Variants in PRR36 observed in about 807,000 individuals in gnomAD.
PRR36 encodes the protein proline rich 36.
In PRR36, 30 loss-of-function variants were observed where a neutral mutation model predicts 58.6. That is an observed-to-expected ratio of 0.51 (90% CI 0.38 to 0.69). The LOEUF is 0.69. Among genes scored for constraint, PRR36 ranks in the 30% least tolerant of loss-of-function variants. The pLI, the probability that PRR36 is intolerant of heterozygous loss-of-function variation, is 0.00. For synonymous variants in PRR36, 771 were observed against 829.3 expected, an observed-to-expected ratio of 0.93 and a Z score of 1.21; for missense variants, 1,692 against 1,805.6, an observed-to-expected ratio of 0.94 and a Z score of 1.14.
intron 5 of PRR36, 58 bp downstream of exon 5, chr19:7,869,657 T>A: frequency 7.2e-7 from 1 of 1,391,304 alleles, no homozygotes; most frequent in East Asian, 3.1e-5. Flanking sequence ...GCCCCTGAGC[T>A]GCGAAGCCTC....
In PRR36 at chr19:7,869,906, G is replaced by C. The variant is rs1980296937; in HGVS notation, c.3338C>G (p.Thr1113Arg). 4.4e-6 allele frequency: 6 copies of C among 1,363,824 alleles called. No individual in the cohort carries two copies. The highest frequency in any genetic ancestry group is 3.1e-5 in the East Asian group (1 of 32,610). The allele number at this position is 1,363,824 out of a possible 1,614,324, so 84.5% of individuals were successfully genotyped here. A position where few individuals can be genotyped will look rare whatever the true frequency, so the allele number is the denominator to read the frequency against. ...GCCGGCCAGGTCTGGGCCGCTCAGC[G>C]TGCTGGACGGGCTGCGCGAGGGCGG... ...PPPPSRSPSS[T>R]LSGPDLAGHS... Residue 1113 changes from threonine to arginine, a missense_variant, in exon 5 of 6, where the codon ACG (threonine) becomes AGG (arginine). Around this residue, in one of 5 missense-constraint regions of PRR36, gnomAD observed 485 missense variants for 549.2 expected, o/e 0.88. Transcript: ENST00000618550.
Position 7,873,667 on chromosome 19 carries a change from G to A in PRR36, c.23C>T (p.Ala8Val), listed in dbSNP as rs769850095. 1.3e-4 allele frequency: 203 copies of A among 1,535,034 alleles called. No individual in the cohort carries two copies. The highest frequency in any genetic ancestry group is 8.4e-4 in the Middle Eastern group (5 of 5,924). ...CGTCCGCGCGGCGGCCCCTGCCTTCGCCTTGTCTCTCTTGTTGTCCATCTT... is the reference window on the plus strand; with the variant it reads ...CGTCCGCGCGGCGGCCCCTGCCTTCACCTTGTCTCTCTTGTTGTCCATCTT... The part of the protein sequence containing the change: MDNKRDK[A>V]KAGAAARTPA... The change falls in exon 2 of 6, where the codon GCG becomes GTG. Residue 8 changes from alanine (A) to valine (V), a missense_variant. This residue lies in a region of PRR36 where 975 missense variants were observed against 955.2 expected (regional missense o/e 1.02). Transcript: ENST00000618550. This position sits in a 1 kb window ranked among gnomAD's most constrained non-coding sequence, Gnocchi z 5.0.
Position 7,872,552 on chromosome 19 carries a change from C to G in PRR36, c.692G>C (p.Gly231Ala). 6.6e-7 allele frequency: 1 copy of G among 1,521,784 alleles called. No homozygotes were observed. Among genetic ancestry groups the G allele is most frequent in the Non-Finnish European group, 8.8e-7 (1 of 1,141,078 alleles). 94.3% of individuals were successfully genotyped at this position (1,521,784 alleles called of 1,614,324 possible). ...SPAARRRPSA[G>A]GGLQRPASRS... Reference sequence around the variant, plus strand: ...CGAGGCCGGCCTCTGGAGACCCCCACCGGCGCTGGGCCGCCTCCTGGCAGC... The same window carrying G: ...CGAGGCCGGCCTCTGGAGACCCCCAGCGGCGCTGGGCCGCCTCCTGGCAGC... Residue 231 changes from glycine to alanine, a missense_variant, in exon 5 of 6, where the codon GGT (glycine) becomes GCT (alanine). Physicochemically the swap from Gly to Ala is moderately conservative, Grantham distance 60. Coordinates refer to ENST00000618550, the MANE Select transcript of PRR36 (RefSeq NM_001190467.2). The surrounding 1 kb of genome is among the most constrained non-coding windows in gnomAD (Gnocchi z 6.1).
chr19:7,870,855 G>A lies in PRR36; in HGVS notation c.2389C>T (p.Pro797Ser), dbSNP rs1252079594. The A allele has an allele frequency of 6.9e-7, 1 of 1,445,014 alleles. No homozygotes were observed. The highest frequency in any genetic ancestry group is 1.5e-5 in the South Asian group (1 of 68,436). The allele number at this position is 1,445,014 out of a possible 1,614,324, so 89.5% of individuals were successfully genotyped here. A position where few individuals can be genotyped will look rare whatever the true frequency, so the allele number is the denominator to read the frequency against. The change falls in exon 5 of 6, where the codon CCA becomes TCA. Residue 797 changes from proline (P) to serine (S), a missense_variant. By Grantham distance (74) the Pro-to-Ser change is moderately conservative. Coordinates refer to ENST00000618550, the MANE Select transcript of PRR36 (RefSeq NM_001190467.2). Reference protein sequence around the residue: ...APCPLQAPPSPLTTPPPETPS... With the variant: ...APCPLQAPPSSLTTPPPETPS... ...GTCTCCGGAGGGGGCGTGGTCAATG[G>A]CGAAGGTGGTGCTTGCAGAGGGCAT...
chr19:7,873,432 A>C lies in PRR36; in HGVS notation c.258T>G (p.Ser86Arg), dbSNP rs1045187661. The C allele has an allele frequency of 1.3e-6, 2 of 1,531,404 alleles. No homozygotes were observed. Among genetic ancestry groups the C allele is most frequent in the Non-Finnish European group, 8.7e-7 (1 of 1,144,178 alleles). The allele number at this position is 1,531,404 out of a possible 1,614,324, so 94.9% of individuals were successfully genotyped here. A position where few individuals can be genotyped will look rare whatever the true frequency, so the allele number is the denominator to read the frequency against. ...AGGCTGGGGTACCAGGGTTTCGGGA[A>C]CTTGTCCCAGCACTCCGCGTTGGTC... ...RAGPTRSAGT[S>R]SRNPASRPPA... The change falls in exon 2 of 6, where the codon AGT becomes AGG. Residue 86 changes from serine (S) to arginine (R), a missense_variant. Ser to Arg is a moderately radical substitution (Grantham distance 110, BLOSUM62 -1). Around this residue, in one of 5 missense-constraint regions of PRR36, gnomAD observed 975 missense variants for 955.2 expected, o/e 1.02. Transcript: ENST00000618550. This position sits in a 1 kb window ranked among gnomAD's most constrained non-coding sequence, Gnocchi z 5.0.
Position 7,870,628 on chromosome 19 carries a change from T to TG in PRR36, c.2615dup (p.Gln873ThrfsTer133). ...GCACTGCCAGAGCATTTGGGGCCTG[T>TG]GGAGAGGGTGTGGCCAAAGGAGACA... is the stretch of plus-strand genomic sequence containing the variant. On this transcript the variant is annotated frameshift_variant, in exon 5 of 6. Coordinates refer to ENST00000618550, the MANE Select transcript of PRR36 (RefSeq NM_001190467.2). LOFTEE classifies it high-confidence loss of function. 9.6e-7 allele frequency: 1 copy of TG among 1,041,718 alleles called. No individual in the cohort carries two copies. The highest frequency in any genetic ancestry group is 2.5e-5 in the South Asian group (1 of 39,228). 64.5% of individuals were successfully genotyped at this position (1,041,718 alleles called of 1,614,324 possible).
Position 7,871,064 on chromosome 19 carries a change from G to A in PRR36, c.2180C>T (p.Ala727Val), listed in dbSNP as rs1568251920. 1 of 1,515,742 alleles carries A rather than the reference G, an allele frequency of 6.6e-7. No individual in the cohort carries two copies. 93.9% of individuals were successfully genotyped at this position (1,515,742 alleles called of 1,614,324 possible). The change falls in exon 5 of 6, where the codon GCT becomes GTT. Residue 727 changes from alanine to valine, a missense_variant. Physicochemically the swap from Ala to Val is moderately conservative, Grantham distance 64. Transcript: ENST00000618550. ...CTCCAGAGGGGGTGTGGTCAGGGAAGCAGGAGGTGTCTGCAGAGAGGGTGG... is the reference window on the plus strand; with the variant it reads ...CTCCAGAGGGGGTGTGGTCAGGGAAACAGGAGGTGTCTGCAGAGAGGGTGG... ...LAPPSLQTPP[A>V]SLTTPPLENL...
Position 7,871,857 on chromosome 19 carries a change from G to A in PRR36, c.1387C>T (p.Pro463Ser). ...LATPPLSAMSPLQGPVSPATS... is the reference protein window; with the variant it reads ...LATPPLSAMSSLQGPVSPATS... Reference sequence around the variant, plus strand: ...GCCGGAGAAACAGGGCCTTGTAGAGGAGACATGGCTGACAGAGGAGGTGTG... The same window carrying A: ...GCCGGAGAAACAGGGCCTTGTAGAGAAGACATGGCTGACAGAGGAGGTGTG... Residue 463 changes from proline (P) to serine (S), a missense_variant, in exon 5 of 6, where the codon CCT becomes TCT. By Grantham distance (74) the Pro-to-Ser change is moderately conservative. This residue lies in a region of PRR36 where 975 missense variants were observed against 955.2 expected (regional missense o/e 1.02). Transcript: ENST00000618550. 6.5e-7 allele frequency: 1 copy of A among 1,536,044 alleles called. No homozygotes were observed. Among genetic ancestry groups the A allele is most frequent in the South Asian group, 1.2e-5 (1 of 84,062 alleles).
chr19:7,872,513 G>C lies in PRR36; in HGVS notation c.731C>G (p.Ser244Cys), dbSNP rs1191678093. 6.7e-7 allele frequency: 1 copy of C among 1,501,512 alleles called. No individual in the cohort carries two copies. Among genetic ancestry groups the C allele is most frequent in the East Asian group, 2.5e-5 (1 of 39,808 alleles). The allele number at this position is 1,501,512 out of a possible 1,614,324, so 93.0% of individuals were successfully genotyped here. The change falls in exon 5 of 6, where the codon TCC (serine) becomes TGC (cysteine). Residue 244 changes from serine (S) to cysteine (C), a missense_variant. Physicochemically the swap from Ser to Cys is moderately radical, Grantham distance 112. Around this residue, in one of 5 missense-constraint regions of PRR36, gnomAD observed 975 missense variants for 955.2 expected, o/e 1.02. Transcript: ENST00000618550. The surrounding 1 kb of genome is among the most constrained non-coding windows in gnomAD (Gnocchi z 6.1). ...TGGGGAGGAGAGAGGGGTGGCGCTG[G>C]AGCTCAGGGAGCGCGAGGCCGGCCT... ...LQRPASRSLS[S>C]SATPLSSPAR... is the part of the protein sequence containing the mutation.
Position 7,871,186 on chromosome 19 carries a change from G to A in PRR36, c.2058C>T (p.His686=). Residue 686 remains histidine (H), a synonymous_variant, in exon 5 of 6, where the codon CAC becomes CAT. Coordinates refer to ENST00000618550, the MANE Select transcript of PRR36 (RefSeq NM_001190467.2). ...VSPLSSPLTI[H]PLQALSSLAS... is the part of the protein sequence containing the mutation. The stretch of plus-strand genomic sequence containing the variant: ...CCAGAGAAGATAGCGCCTGCAGAGG[G>A]TGTATGGTCAGGGGTGAGCTTAGGG... The A allele has an allele frequency of 6.5e-7, 1 of 1,534,748 alleles. No homozygotes were observed.
chr19:7,869,691 G>T (rs1980283564), intron 5 of PRR36, 24 bp downstream of exon 5: 24 of 1,375,528 alleles, frequency 1.7e-5, no homozygotes, highest in Non-Finnish European at 2.2e-5. Context: ...CCCACAGCCA[G>T]GCCGGGTCTG....
In PRR36 at chr19:7,873,713, G is replaced by T. The variant is rs570285016; in HGVS notation, c.-7-17C>A. The T allele has an allele frequency of 2.3e-5, 35 of 1,530,858 alleles. 2 individuals are homozygous for T. The South Asian group carries it at 4.1e-4, about 18-fold the overall frequency. 94.8% of individuals were successfully genotyped at this position (1,530,858 alleles called of 1,614,324 possible). Reference sequence around the variant, plus strand: ...ATCTTGCACCTGAAGAGACAAACCGGTCCGCATCCCAGGTTCTGGACAGCT... The same window carrying T: ...ATCTTGCACCTGAAGAGACAAACCGTTCCGCATCCCAGGTTCTGGACAGCT... On this transcript the variant is annotated splice_polypyrimidine_tract_variant and intron_variant, in intron 1 of 5. Transcript: ENST00000618550. The surrounding 1 kb of genome is among the most constrained non-coding windows in gnomAD (Gnocchi z 5.0).
In PRR36 at chr19:7,872,525, C is replaced by T. The variant is rs996035085; in HGVS notation, c.719G>A (p.Arg240His). The T allele has an allele frequency of 1.6e-5, 24 of 1,509,548 alleles. No homozygotes were observed. The African/African-American group carries it at 3.4e-4, about 21-fold the overall frequency. 93.5% of individuals were successfully genotyped at this position (1,509,548 alleles called of 1,614,324 possible). ...AGGGGTGGCGCTGGAGCTCAGGGAG[C>T]GCGAGGCCGGCCTCTGGAGACCCCC... ...AGGGLQRPAS[R>H]SLSSSATPLS... is the part of the protein sequence containing the mutation. The change falls in exon 5 of 6, where the codon CGC (arginine) becomes CAC (histidine). Residue 240 changes from arginine to histidine, a missense_variant. Arg to His is a conservative substitution (Grantham distance 29). Coordinates refer to ENST00000618550, the MANE Select transcript of PRR36 (RefSeq NM_001190467.2). This position sits in a 1 kb window ranked among gnomAD's most constrained non-coding sequence, Gnocchi z 6.1.
chr19:7,871,108 C>G lies in PRR36; in HGVS notation c.2136G>C (p.Glu712Asp), dbSNP rs1424177717. 1 of 1,533,360 alleles carries G rather than the reference C, an allele frequency of 6.5e-7. No individual in the cohort carries two copies. The highest frequency in any genetic ancestry group is 2.4e-5 in the East Asian group (1 of 40,878). 95.0% of individuals were successfully genotyped at this position (1,533,360 alleles called of 1,614,324 possible). Reference protein sequence around the residue: ...PLSSLIMPPLETQSSLAPPSL... With the variant: ...PLSSLIMPPLDTQSSLAPPSL... The stretch of plus-strand genomic sequence containing the variant: ...AGGGTGGGGCTAGGGAAGATTGGGT[C>G]TCCAGAGGGGGCATGATCAGGGAAG... The change falls in exon 5 of 6, where the codon GAG (glutamate) becomes GAC (aspartate). Residue 712 changes from glutamate (E) to aspartate (D), a missense_variant. Glu to Asp is a conservative substitution (Grantham distance 45). Around this residue, in one of 5 missense-constraint regions of PRR36, gnomAD observed 38 missense variants for 100.7 expected, o/e 0.38. Transcript: ENST00000618550.
chr19:7,869,422 T>G lies in PRR36; in HGVS notation c.3652A>C (p.Ser1218Arg). Residue 1218 changes from serine (S) to arginine (R), a missense_variant, in exon 6 of 6, where the codon AGT becomes CGT. Physicochemically the swap from Ser to Arg is moderately radical, Grantham distance 110 (BLOSUM62 -1). Around this residue, in one of 5 missense-constraint regions of PRR36, gnomAD observed 485 missense variants for 549.2 expected, o/e 0.88. Coordinates refer to ENST00000618550, the MANE Select transcript of PRR36 (RefSeq NM_001190467.2). ...GCCTTCCCACCGCTCGTGCCGGGAC[T>G]GGGCCCCGGATCCAGTGCGCCAGGG... ...PAPGALDPGPSPGTSGGKAAA... is the reference protein window; with the variant it reads ...PAPGALDPGPRPGTSGGKAAA... The G allele has an allele frequency of 6.7e-7, 1 of 1,497,598 alleles. No homozygotes were observed. Among genetic ancestry groups the G allele is most frequent in the Non-Finnish European group, 8.8e-7 (1 of 1,131,238 alleles). 92.8% of individuals were successfully genotyped at this position (1,497,598 alleles called of 1,614,324 possible). A position where few individuals can be genotyped will look rare whatever the true frequency, so the allele number is the denominator to read the frequency against.
In PRR36 at chr19:7,869,408, G is replaced by T. The variant is rs1171339035; in HGVS notation, c.3666C>A (p.Ser1222Arg). ...ALDPGPSPGT[S>R]GGKAAAGAGA... The stretch of plus-strand genomic sequence containing the variant: ...CGGCCCCAGCCGCCGCCTTCCCACC[G>T]CTCGTGCCGGGACTGGGCCCCGGAT... The change falls in exon 6 of 6, where the codon AGC (serine) becomes AGA (arginine). Residue 1222 changes from serine to arginine, a missense_variant. By Grantham distance (110) the Ser-to-Arg change is moderately radical (BLOSUM62 -1). This residue lies in a region of PRR36 where 485 missense variants were observed against 549.2 expected (regional missense o/e 0.88). Transcript: ENST00000618550. 6.7e-7 allele frequency: 1 copy of T among 1,482,688 alleles called. No homozygotes were observed. Among genetic ancestry groups the T allele is most frequent in the Non-Finnish European group, 8.9e-7 (1 of 1,125,174 alleles). 91.8% of individuals were successfully genotyped at this position (1,482,688 alleles called of 1,614,324 possible).
chr19:7,869,868 C>CTCT lies in PRR36; in HGVS notation c.3375_3376insAGA (p.Ser1125_Ala1126insArg). 1 of 1,335,110 alleles carries CTCT rather than the reference C, an allele frequency of 7.5e-7. No individual in the cohort carries two copies. The highest frequency in any genetic ancestry group is 3.1e-5 in the East Asian group (1 of 32,064). The allele number at this position is 1,335,110 out of a possible 1,614,324, so 82.7% of individuals were successfully genotyped here. On this transcript the variant is annotated inframe_insertion, in exon 5 of 6. Transcript: ENST00000618550. ...CGCAGCTCCTCTGGCGTGCTCGTGG[C>CTCT]GCTGCTGCTGTGGCCGGCCAGGTCT...
In PRR36 at chr19:7,873,313, G is replaced by T. The variant is rs1366513508; in HGVS notation, c.272-14C>A. On this transcript the variant is annotated splice_polypyrimidine_tract_variant and intron_variant, in intron 2 of 5. Transcript: ENST00000618550. The surrounding 1 kb of genome is among the most constrained non-coding windows in gnomAD (Gnocchi z 5.0). ...GGGGCCTGGAGGCTGCGGGGAGAAG[G>T]CCGAGTCACAGGTGCCCCGGAGAGG... is the stretch of plus-strand genomic sequence containing the variant. 6.5e-7 allele frequency: 1 copy of T among 1,529,196 alleles called. No individual in the cohort carries two copies. The highest frequency in any genetic ancestry group is 1.2e-5 in the South Asian group (1 of 83,316). The allele number at this position is 1,529,196 out of a possible 1,614,324, so 94.7% of individuals were successfully genotyped here.
Position 7,868,952 on chromosome 19 carries a change from G to A in PRR36, c.*81C>T, listed in dbSNP as rs1980232987. 4 of 1,398,634 alleles carry A rather than the reference G, an allele frequency of 2.9e-6. No homozygotes were observed. The highest frequency in any genetic ancestry group is 3.8e-6 in the Non-Finnish European group (4 of 1,061,786). The allele number at this position is 1,398,634 out of a possible 1,614,324, so 86.6% of individuals were successfully genotyped here. ...AGCGGGGCTCCAGGGCAGTGGAGGCGGGGTCTAAAACAAACGGCGTACCCG... is the reference window on the plus strand; with the variant it reads ...AGCGGGGCTCCAGGGCAGTGGAGGCAGGGTCTAAAACAAACGGCGTACCCG... On this transcript the variant is annotated 3_prime_UTR_variant, in exon 6 of 6. Coordinates refer to ENST00000618550, the MANE Select transcript of PRR36 (RefSeq NM_001190467.2).
Sources: gnomAD v4.1 joint callset for allele counts on GRCh38, gnomAD v4.1.1 for gene constraint, gnomAD v4.1.1 regional missense constraint, Gnocchi (gnomAD v3.1) non-coding constraint, MANE v1.5 for transcripts, NCBI Gene and HGNC (gene_info 2026-07-23, HGNC 2026-07-21) for gene names.